INSYN2B: variants seen among roughly 807,000 people sequenced by gnomAD.
INSYN2B encodes inhibitory synaptic factor family member 2B, also known as protein INSYN2B.
In INSYN2B, 16 loss-of-function variants were observed where a neutral mutation model predicts 41.2. The ratio of observed to expected loss-of-function variants is 0.39; its 90% confidence interval spans 0.26 to 0.59. INSYN2B has a LOEUF of 0.59. INSYN2B is among the 20% of genes least tolerant of loss of function. The probability of loss-of-function intolerance (pLI) is 0.57; values close to 1 mark genes in which losing one functional copy is unlikely to be tolerated. For synonymous variants in INSYN2B, 245 were observed against 244.4 expected (o/e 1.00, Z -0.02); for missense variants, 608 against 646.4 (o/e 0.94, Z 0.64).
At chr5:169,965,362 G>A (rs1000379674) in intron 1 of INSYN2B, among the ~76,000 whole-genome samples, 5 of 152,220 alleles carry the variant, frequency 3.3e-5, no homozygotes, top group Admixed American at 6.5e-5. Context: ...ACTCTGAGTA[G>A]CAAGATAGAC....
chr5:169,925,646 T>C (rs1775407575), intron 1 of INSYN2B, among the ~76,000 whole-genome samples: 1 of 149,792 alleles, frequency 6.7e-6, no homozygotes, highest in South Asian at 2.1e-4. Flanking sequence ...CTGCCATTGA[T>C]TGGTTGTGTG....
intron 1 of INSYN2B, among the ~76,000 whole-genome samples, chr5:169,933,900 C>G (rs1208665209): frequency 6.6e-5 from 10 of 152,196 alleles, no homozygotes; most frequent in African/African-American, 2.4e-4. Context: ...GCAGCACTTC[C>G]TGAACAAACT....
chr5:169,903,365 CCCA>C (rs1774063572), intron 1 of INSYN2B, among the ~76,000 whole-genome samples: 2 of 149,572 alleles, frequency 1.3e-5, no homozygotes, highest in Non-Finnish European at 3.0e-5. Context: ...GTGGTAAATA[CCCA>C]CCAAGAGGAA....
chr5:169,928,499 G>A (rs1775584727), intron 1 of INSYN2B, among the ~76,000 whole-genome samples: 2 of 152,206 alleles, frequency 1.3e-5, no homozygotes, highest in African/African-American at 4.8e-5. Context: ...GCTGCTGAGA[G>A]TGAATCCAAG....
intron 1 of INSYN2B, among the ~76,000 whole-genome samples, chr5:169,915,004 T>C (rs535107498): frequency 7.9e-5 from 12 of 152,358 alleles, no homozygotes; most frequent in African/African-American, 2.2e-4. Flanking sequence ...GGCTCCATCA[T>C]TGCAAGGCAA....
rs1771275597 is a variant in INSYN2B, at chr5:169,862,608, A to T, written c.*1665T>A. ...TTTATCTTAATTCTAACATGACGTT[A>T]TATATTCCGGTCTGATTCTGTGGGC... On this transcript the variant is annotated 3_prime_UTR_variant, in exon 4 of 4. Coordinates refer to ENST00000377365, the MANE Select transcript of INSYN2B (RefSeq NM_001129891.3). 6.6e-6 allele frequency among the ~76,000 whole-genome samples: 1 copy of T among 152,224 alleles called. No individual in the cohort carries two copies. Among genetic ancestry groups the T allele is most frequent in the Non-Finnish European group, 1.5e-5 (1 of 68,036 alleles).
intron 3 of INSYN2B, among the ~76,000 whole-genome samples, chr5:169,869,929 A>G (rs954922518): frequency 6.6e-6 from 1 of 152,198 alleles, no homozygotes; most frequent in Non-Finnish European, 1.5e-5. Context: ...GTAAGAAGGA[A>G]GATAGGTGCA....
intron 1 of INSYN2B, among the ~76,000 whole-genome samples, chr5:169,966,713 C>T (rs866428848): frequency 2.0e-5 from 3 of 152,264 alleles, no homozygotes; most frequent in Middle Eastern, 6.8e-3. Context: ...ATGGTCTCCT[C>T]ACTCTGGGAC....
At chr5:169,868,951 A>G (rs1049350450) in intron 3 of INSYN2B, among the ~76,000 whole-genome samples, 5 of 152,088 alleles carry the variant, frequency 3.3e-5, no homozygotes, top group Admixed American at 3.3e-4. Flanking sequence ...AGGCTGCAGC[A>G]CTTCCTGGCT....
At chr5:169,916,713 T>C (rs1321877292) in intron 1 of INSYN2B, among the ~76,000 whole-genome samples, 2 of 152,194 alleles carry the variant, frequency 1.3e-5, no homozygotes, top group Non-Finnish European at 2.9e-5. Flanking sequence ...CAGCCAGTAT[T>C]TTGGTCCATT....
At position 169,883,915 on chromosome 5, in the gene INSYN2B, G is replaced by C; in HGVS notation, c.-17C>G. The C allele has an allele frequency of 6.8e-7, 1 of 1,478,764 alleles. No individual in the cohort carries two copies. The highest frequency in any genetic ancestry group is 9.0e-7 in the Non-Finnish European group (1 of 1,111,378). 91.6% of individuals were successfully genotyped at this position (1,478,764 alleles called of 1,614,324 possible). On this transcript the variant is annotated 5_prime_UTR_variant, in exon 2 of 4. Coordinates refer to ENST00000377365, the MANE Select transcript of INSYN2B (RefSeq NM_001129891.3). ...CTGGGCCATTGAGCCTCAGTGGGAA[G>C]GATCAGGACCATACACTTCTCCTAG...
chr5:169,891,995 CAAAAAAAA>C (rs571918885), intron 1 of INSYN2B, among the ~76,000 whole-genome samples: 2 of 64,230 alleles, frequency 3.1e-5, no homozygotes, highest in African/African-American at 1.2e-4. Context: ...GATTCCGTCC[CAAAAAAAA>C]AAAAAAAAAG....
At position 169,959,989 on chromosome 5, in the gene INSYN2B, G is replaced by A. The variant is rs1777020403; in HGVS notation, c.-919+20288C>T. 2.0e-5 allele frequency among the ~76,000 whole-genome samples: 3 copies of A among 152,142 alleles called. No individual in the cohort carries two copies. In the South Asian group the frequency reaches 6.2e-4, roughly 32 times the overall value. On this transcript the variant is annotated intron_variant, in intron 1 of 3. Coordinates refer to ENST00000377365, the MANE Select transcript of INSYN2B (RefSeq NM_001129891.3). ...AGAGTAAATAGGTTAAATTAAATTC[G>A]ACCATGTAAAGCTAGATCATCAGAG...
chr5:169,877,116 A>G (rs894685570), intron 3 of INSYN2B, among the ~76,000 whole-genome samples: 1 of 152,194 alleles, frequency 6.6e-6, no homozygotes, highest in African/African-American at 2.4e-5. Context: ...TATCCACACA[A>G]AGCAGGGCAG....
Position 169,865,095 on chromosome 5 carries a change from T to C in INSYN2B, c.1422-636A>G, listed in dbSNP as rs1249369591. Among the ~76,000 whole-genome samples the C allele has an allele frequency of 1.3e-5, 2 of 152,246 alleles. 1 individual carries two copies. The highest frequency in any genetic ancestry group is 3.8e-4 in the East Asian group (2 of 5,200). On this transcript the variant is annotated intron_variant, in intron 3 of 3. Transcript: ENST00000377365. ...CTTCAAGATATATCTTGGAGAGCTT[T>C]ACATGTAAGACTGCCTTGTAGTATT... is the stretch of plus-strand genomic sequence containing the variant.
chr5:169,909,330 T>C (rs1774463563), intron 1 of INSYN2B, among the ~76,000 whole-genome samples: 1 of 152,250 alleles, frequency 6.6e-6, no homozygotes, highest in African/African-American at 2.4e-5. Context: ...AGAACATTTC[T>C]TTCTATTCAG....
chr5:169,927,050 C>T (rs1775496231), intron 1 of INSYN2B, among the ~76,000 whole-genome samples: 1 of 152,150 alleles, frequency 6.6e-6, no homozygotes. Flanking sequence ...CCCAGGGTGC[C>T]AGACCAATAT....
At chr5:169,947,140 G>A (rs958584526) in intron 1 of INSYN2B, among the ~76,000 whole-genome samples, 3 of 152,192 alleles carry the variant, frequency 2.0e-5, no homozygotes, top group South Asian at 2.1e-4. Flanking sequence ...CAAAGAGATT[G>A]TGCAAACTTC....
At chr5:169,951,937 C>A (rs894465643) in intron 1 of INSYN2B, among the ~76,000 whole-genome samples, 3 of 152,244 alleles carry the variant, frequency 2.0e-5, no homozygotes, top group African/African-American at 7.2e-5. Context: ...GACTCCTAGG[C>A]TCTATGTTAT....
Sources: gnomAD v4.1 joint callset for allele counts (sites outside exome capture counted in the v4.1 genomes callset) on GRCh38, gnomAD v4.1.1 for gene constraint, MANE v1.5 for transcripts, NCBI Gene and HGNC (gene_info 2026-07-23, HGNC 2026-07-21) for gene names.